Variants in ST8SIA5 observed in about 807,000 individuals in gnomAD.
ST8SIA5 encodes the protein ST8 alpha-N-acetyl-neuraminide alpha-2,8-sialyltransferase 5.
In ST8SIA5, 24 loss-of-function variants were observed where a neutral mutation model predicts 40.2. The observed-to-expected ratio is 0.60, with a 90% confidence interval of 0.43 to 0.84. The LOEUF is 0.84. Among genes scored for constraint, ST8SIA5 ranks in the 40% least tolerant of loss-of-function variants. The pLI, the probability that ST8SIA5 is intolerant of heterozygous loss-of-function variation, is 0.00. For missense variants in ST8SIA5, 465 were observed against 498.5 expected (o/e 0.93, Z 0.64); for synonymous variants, 198 against 201.8 (o/e 0.98, Z 0.16).
At chr18:46,691,518 C>T (rs1334864602) in intron 3 of ST8SIA5, 1 of 152,652 alleles carries the variant, frequency 6.6e-6, no homozygotes, top group African/African-American at 2.4e-5. Context: ...AAAATAATCC[C>T]ATAAGCTTAC....
chr18:46,704,884 AG>A (rs540149461), intron 1 of ST8SIA5, among the ~76,000 whole-genome samples: 13 of 152,256 alleles, frequency 8.5e-5, no homozygotes, highest in African/African-American at 3.1e-4. Flanking sequence ...CTCCCTTGGG[AG>A]TGTAGGCATT....
rs1421534160 is a variant in ST8SIA5 at position 46,672,549 on chromosome 18, C to G, written c.*7493G>C. 1 of 151,200 alleles carries G rather than the reference C, an allele frequency of 6.6e-6. No homozygotes were observed. The highest frequency in any genetic ancestry group is 1.5e-5 in the Non-Finnish European group (1 of 67,944). The allele number at this position is 151,200 out of a possible 1,614,324, so 9.4% of individuals were successfully genotyped here. On this transcript the variant is annotated 3_prime_UTR_variant, in exon 7 of 7. Coordinates refer to ENST00000315087, the MANE Select transcript of ST8SIA5 (RefSeq NM_013305.6). The stretch of plus-strand genomic sequence containing the variant: ...CAACTGAAGAGAGAGTCACTGATTT[C>G]TGGCTTTTGTGGCCAACAGCTAAGT...
intron 1 of ST8SIA5, among the ~76,000 whole-genome samples, chr18:46,718,566 T>C (rs1324595998): frequency 2.6e-5 from 4 of 152,060 alleles, no homozygotes; most frequent in Non-Finnish European, 5.9e-5. Context: ...ATTTGCTTTG[T>C]AGTGCTGTTT....
chr18:46,696,587 T>G (rs535266077), intron 2 of ST8SIA5, among the ~76,000 whole-genome samples: 13 of 152,362 alleles, frequency 8.5e-5, no homozygotes, highest in African/African-American at 3.1e-4. Context: ...TCTCTGAGAC[T>G]CAGCTGCTTT....
At chr18:46,698,422 C>A (rs556695486) in intron 2 of ST8SIA5, among the ~76,000 whole-genome samples, 9 of 151,456 alleles carry the variant, frequency 5.9e-5, no homozygotes, top group African/African-American at 2.2e-4. Context: ...AAAACAATCC[C>A]ACAACTCACC....
chr18:46,755,387 G>C (rs1194531429), intron 1 of ST8SIA5, among the ~76,000 whole-genome samples: 1 of 152,196 alleles, frequency 6.6e-6, no homozygotes, highest in Non-Finnish European at 1.5e-5. Flanking sequence ...CAACCTAGGG[G>C]AGGGGCGGTG....
chr18:46,743,143 G>A (rs1048081197), intron 1 of ST8SIA5, among the ~76,000 whole-genome samples: 1 of 152,122 alleles, frequency 6.6e-6, no homozygotes, highest in Non-Finnish European at 1.5e-5. Flanking sequence ...TAAAAACCAG[G>A]GTGCCTCTTC....
Position 46,668,824 on chromosome 18 carries a change from C to A in ST8SIA5, c.*11218G>T, listed in dbSNP as rs537876872. Reference sequence around the variant, plus strand: ...GCAGAGGGACTTGCCCAGAAGCTAGCCACAGTGAGGGCCAGACGTCCCACT... The same window carrying A: ...GCAGAGGGACTTGCCCAGAAGCTAGACACAGTGAGGGCCAGACGTCCCACT... On this transcript the variant is annotated 3_prime_UTR_variant, in exon 7 of 7. Coordinates refer to ENST00000315087, the MANE Select transcript of ST8SIA5 (RefSeq NM_013305.6). The A allele has an allele frequency of 6.6e-6, 1 of 152,362 alleles. No individual in the cohort carries two copies. The highest frequency in any genetic ancestry group is 2.4e-5 in the African/African-American group (1 of 41,574). 9.4% of individuals were successfully genotyped at this position (152,362 alleles called of 1,614,324 possible).
At chr18:46,704,001 T>A (rs998410771) in intron 2 of ST8SIA5, among the ~76,000 whole-genome samples, 2 of 152,144 alleles carry the variant, frequency 1.3e-5, no homozygotes, top group African/African-American at 2.4e-5. Context: ...AAAAACTTTT[T>A]AAATCTCCAT....
intron 1 of ST8SIA5, among the ~76,000 whole-genome samples, chr18:46,715,061 T>G (rs1357459109): frequency 6.6e-6 from 1 of 152,154 alleles, no homozygotes; most frequent in Non-Finnish European, 1.5e-5. Flanking sequence ...ATGGGACCAA[T>G]GGGGGAAGCT....
Position 46,669,294 on chromosome 18 carries a change from C to T in ST8SIA5, c.*10748G>A, listed in dbSNP as rs1390732951. ...TCCCCTGCCCTCCAGTTCCTCCCAC[C>T]TTGAGGAAGCCTTGGCACCCAAAAG... On this transcript the variant is annotated 3_prime_UTR_variant, in exon 7 of 7. Transcript: ENST00000315087. 3.3e-5 allele frequency: 5 copies of T among 152,284 alleles called. No homozygotes were observed. The highest frequency in any genetic ancestry group is 5.9e-5 in the Non-Finnish European group (4 of 68,128). The allele number at this position is 152,284 out of a possible 1,614,324, so 9.4% of individuals were successfully genotyped here.
At chr18:46,703,044 A>C (rs1356104927) in intron 2 of ST8SIA5, among the ~76,000 whole-genome samples, 1 of 152,258 alleles carries the variant, frequency 6.6e-6, no homozygotes, top group African/African-American at 2.4e-5. Flanking sequence ...AAAGGAAAGG[A>C]AGGAAGGAAA....
At position 46,679,809 on chromosome 18, in the gene ST8SIA5, A is replaced by C. The variant is rs1346177662; in HGVS notation, c.*233T>G. On this transcript the variant is annotated 3_prime_UTR_variant, in exon 7 of 7. Coordinates refer to ENST00000315087, the MANE Select transcript of ST8SIA5 (RefSeq NM_013305.6). ...CATGCTAGCCAGGGCAGGTGGACGCACTGGGCGGATGCACCGGTGGGGGCC... is the reference window on the plus strand; with the variant it reads ...CATGCTAGCCAGGGCAGGTGGACGCCCTGGGCGGATGCACCGGTGGGGGCC... 1.8e-6 allele frequency: 1 copy of C among 563,634 alleles called. No individual in the cohort carries two copies. Among genetic ancestry groups the C allele is most frequent in the African/African-American group, 1.9e-5 (1 of 53,280 alleles). The allele number at this position is 563,634 out of a possible 1,614,324, so 34.9% of individuals were successfully genotyped here. A position where few individuals can be genotyped will look rare whatever the true frequency, so the allele number is the denominator to read the frequency against.
chr18:46,685,883 C>A (rs78736674), intron 5 of ST8SIA5: 10,701 of 390,474 alleles, frequency 0.027, 208 homozygotes, highest in Non-Finnish European at 0.036. Context: ...GCCCAGAGGA[C>A]CTCCCGACAC....
intron 3 of ST8SIA5, among the ~76,000 whole-genome samples, chr18:46,691,133 C>G (rs1002095734): frequency 6.6e-6 from 1 of 152,242 alleles, no homozygotes; most frequent in African/African-American, 2.4e-5. Flanking sequence ...GCACTTTGCT[C>G]AAGCTCATGT....
intron 1 of ST8SIA5, among the ~76,000 whole-genome samples, chr18:46,743,745 C>T (rs2040110031): frequency 6.6e-6 from 1 of 152,054 alleles, no homozygotes; most frequent in Non-Finnish European, 1.5e-5. Context: ...AGAAGAGCAA[C>T]CCCAAGACAC....
At chr18:46,730,635 C>A (rs2039976812) in intron 1 of ST8SIA5, among the ~76,000 whole-genome samples, 1 of 152,042 alleles carries the variant, frequency 6.6e-6, no homozygotes. Context: ...GAGTTTGAGA[C>A]CAGCCTAGGC....
rs328134 is a variant in ST8SIA5, at chr18:46,676,551, C to T, written c.*3491G>A. 35,692 of 152,154 alleles carry T rather than the reference C, an allele frequency of 0.23. 4,476 individuals carry two copies. The highest frequency in any genetic ancestry group is 0.31 in the Middle Eastern group (91 of 294). The allele number at this position is 152,154 out of a possible 1,614,324, so 9.4% of individuals were successfully genotyped here. A position where few individuals can be genotyped will look rare whatever the true frequency, so the allele number is the denominator to read the frequency against. ...GATGAGCACATGCTGTCTCTGGGCA[C>T]CAGGTGATTAGTGGGCAGAGCTGCC... On this transcript the variant is annotated 3_prime_UTR_variant, in exon 7 of 7. Coordinates refer to ENST00000315087, the MANE Select transcript of ST8SIA5 (RefSeq NM_013305.6).
chr18:46,745,917 C>T (rs2040135404), intron 1 of ST8SIA5, among the ~76,000 whole-genome samples: 1 of 152,164 alleles, frequency 6.6e-6, no homozygotes, highest in Admixed American at 6.5e-5. Context: ...TCAACATATG[C>T]AAATCAATAA....
Sources: allele counts gnomAD v4.1 joint callset (sites outside exome capture counted in the v4.1 genomes callset), GRCh38; gene constraint gnomAD v4.1.1; transcripts MANE v1.5; gene names NCBI Gene and HGNC (gene_info 2026-07-23, HGNC 2026-07-21).